PPARA: variants seen among roughly 807,000 people sequenced by gnomAD.
PPARA encodes the protein peroxisome proliferator activated receptor alpha.
Under a neutral mutation model 42.2 loss-of-function variants are expected in PPARA, and 22 were observed. The ratio of observed to expected loss-of-function variants is 0.52; its 90% confidence interval spans 0.37 to 0.74. PPARA has a LOEUF of 0.74. Among genes scored for constraint, PPARA ranks in the 30% least tolerant of loss-of-function variants. The probability of loss-of-function intolerance (pLI) is 0.00; values close to 1 mark genes in which losing one functional copy is unlikely to be tolerated. For synonymous variants in PPARA, 242 were observed against 239.3 expected (o/e 1.01, Z -0.10); for missense variants, 465 against 608.2 (o/e 0.76, Z 2.48).
rs998236282 is a variant in PPARA at position 46,184,860 on chromosome 22, A to T, written c.-43+8024A>T. Among the ~76,000 whole-genome samples, 4 of 152,186 alleles carry T rather than the reference A, an allele frequency of 2.6e-5. No homozygotes were observed. The highest frequency in any genetic ancestry group is 4.4e-5 in the Non-Finnish European group (3 of 68,042). On this transcript the variant is annotated intron_variant, in intron 3 of 8. Coordinates refer to ENST00000407236, the MANE Select transcript of PPARA (RefSeq NM_005036.6). This position sits in a 1 kb window ranked among gnomAD's most constrained non-coding sequence, Gnocchi z 4.4. ...ACAGAGCAAGACTCCGTCTCAAAAA[A>T]CAAAAAAAGTATTCTGTTGGATCGT...
At chr22:46,185,672 A>G (rs965139409) in intron 3 of PPARA, among the ~76,000 whole-genome samples, 4 of 151,414 alleles carry the variant, frequency 2.6e-5, no homozygotes, top group Admixed American at 6.6e-5. Context: ...AGGCAGGTGG[A>G]TCACCTGAGG....
rs924280849 is a variant in PPARA at position 46,188,889 on chromosome 22, T to A, written c.-42-9453T>A. ...TAAAGTTTGCCTGCCGTGTATCTGA[T>A]ATATTTCTGCTAAAACCCATTAGGC... On this transcript the variant is annotated intron_variant, in intron 3 of 8. Coordinates refer to ENST00000407236, the MANE Select transcript of PPARA (RefSeq NM_005036.6). This position sits in a 1 kb window ranked among gnomAD's most constrained non-coding sequence, Gnocchi z 5.0. 1 of 152,278 alleles carries A rather than the reference T, an allele frequency of 6.6e-6. No individual in the cohort carries two copies. Among genetic ancestry groups the A allele is most frequent in the Non-Finnish European group, 1.5e-5 (1 of 68,090 alleles). The allele number at this position is 152,278 out of a possible 1,614,324, so 9.4% of individuals were successfully genotyped here.
rs563561726 is a variant in PPARA at position 46,190,528 on chromosome 22, G to A, written c.-42-7814G>A. Among the ~76,000 whole-genome samples, 6 of 152,288 alleles carry A rather than the reference G, an allele frequency of 3.9e-5. No homozygotes were observed. The East Asian group carries it at 9.6e-4, about 24-fold the overall frequency. ...CCAACACTTAGAGGCCAAGCCGCGT[G>A]GATCGCTTGAGCCCAGGAGTTCGAG... On this transcript the variant is annotated intron_variant, in intron 3 of 8. Transcript: ENST00000407236. This position sits in a 1 kb window ranked among gnomAD's most constrained non-coding sequence, Gnocchi z 5.6.
Position 46,193,293 on chromosome 22 carries a change from C to T in PPARA, c.-42-5049C>T, listed in dbSNP as rs570402783. 2.0e-5 allele frequency among the ~76,000 whole-genome samples: 3 copies of T among 152,306 alleles called. No homozygotes were observed. In the East Asian group the frequency reaches 5.8e-4, roughly 29 times the overall value. Reference sequence around the variant, plus strand: ...GGTTGAACAGGCTGGTCTCAAACTCCTGACCTCAAGTGATCCACTCGCCTT... The same window carrying T: ...GGTTGAACAGGCTGGTCTCAAACTCTTGACCTCAAGTGATCCACTCGCCTT... On this transcript the variant is annotated intron_variant, in intron 3 of 8. Transcript: ENST00000407236. This position sits in a 1 kb window ranked among gnomAD's most constrained non-coding sequence, Gnocchi z 5.3.
chr22:46,214,837 G>A (rs1411979367), intron 4 of PPARA, among the ~76,000 whole-genome samples: 1 of 151,116 alleles, frequency 6.6e-6, no homozygotes, highest in Non-Finnish European at 1.5e-5. Flanking sequence ...TGTGCGGGGC[G>A]GGATGTGTGG....
At chr22:46,166,720 G>A (rs1012237957) in intron 2 of PPARA, among the ~76,000 whole-genome samples, 2 of 152,042 alleles carry the variant, frequency 1.3e-5, no homozygotes, top group African/African-American at 4.8e-5. Flanking sequence ...AAACACTGCT[G>A]AGAGAAATTT....
At chr22:46,174,676 G>A (rs1412820455) in intron 2 of PPARA, among the ~76,000 whole-genome samples, 1 of 152,032 alleles carries the variant, frequency 6.6e-6, no homozygotes, top group Non-Finnish European at 1.5e-5. Flanking sequence ...AATTATCCAG[G>A]CATCATGGTT....
intron 5 of PPARA, among the ~76,000 whole-genome samples, chr22:46,217,711 G>A (rs1934612351): frequency 6.6e-6 from 1 of 151,166 alleles, no homozygotes; most frequent in Non-Finnish European, 1.5e-5. Context: ...ATTTTGAAAT[G>A]ACTTCGAATG....
Position 46,231,249 on chromosome 22 carries a change from C to T in PPARA, c.712-543C>T, listed in dbSNP as rs1423949532. Among the ~76,000 whole-genome samples, 5 of 149,888 alleles carry T rather than the reference C, an allele frequency of 3.3e-5. No individual in the cohort carries two copies. The highest frequency in any genetic ancestry group is 2.0e-4 in the East Asian group (1 of 5,094). ...TTTTTTTTTTTTTGAGACGGAGTCTCGCTCTGTCACCCAGGCTGGAGTGCA... is the reference window on the plus strand; with the variant it reads ...TTTTTTTTTTTTTGAGACGGAGTCTTGCTCTGTCACCCAGGCTGGAGTGCA... On this transcript the variant is annotated intron_variant, in intron 7 of 8. Transcript: ENST00000407236. This position sits in a 1 kb window ranked among gnomAD's most constrained non-coding sequence, Gnocchi z 7.7.
rs1161353861 is a variant in PPARA at position 46,150,730 on chromosome 22, C to G, written c.-210+78C>G. 7.0e-6 allele frequency: 1 copy of G among 143,040 alleles called. No homozygotes were observed. Among genetic ancestry groups the G allele is most frequent in the Non-Finnish European group, 1.5e-5 (1 of 65,426 alleles). 8.9% of individuals were successfully genotyped at this position (143,040 alleles called of 1,614,324 possible). A position where few individuals can be genotyped will look rare whatever the true frequency, so the allele number is the denominator to read the frequency against. ...TCCGGGCTTCCCAGGTCCCGGGACCCGGAGGGCGGCGGACGGGGGAGGGGC... is the reference window on the plus strand; with the variant it reads ...TCCGGGCTTCCCAGGTCCCGGGACCGGGAGGGCGGCGGACGGGGGAGGGGC... On this transcript the variant is annotated intron_variant, in intron 1 of 8. Coordinates refer to ENST00000407236, the MANE Select transcript of PPARA (RefSeq NM_005036.6). This position sits in a 1 kb window ranked among gnomAD's most constrained non-coding sequence, Gnocchi z 7.5.
At chr22:46,181,725 G>C (rs182035905) in intron 3 of PPARA, among the ~76,000 whole-genome samples, 1 of 152,166 alleles carries the variant, frequency 6.6e-6, no homozygotes, top group African/African-American at 2.4e-5. Flanking sequence ...GGACACCCTG[G>C]GCATCCAGAT....
At chr22:46,174,163 C>G (rs957520823) in intron 2 of PPARA, among the ~76,000 whole-genome samples, 4 of 132,126 alleles carry the variant, frequency 3.0e-5, no homozygotes, top group South Asian at 5.0e-4. Flanking sequence ...GGCAACAGAG[C>G]AAGACTCTGT....
intron 2 of PPARA, among the ~76,000 whole-genome samples, chr22:46,170,269 G>A (rs916456824): frequency 6.6e-6 from 1 of 151,400 alleles, no homozygotes; most frequent in Non-Finnish European, 1.5e-5. Flanking sequence ...GTTTTGTTGA[G>A]ACACGGTCTT....
At chr22:46,185,721 C>G (rs1930567286) in intron 3 of PPARA, among the ~76,000 whole-genome samples, 1 of 149,388 alleles carries the variant, frequency 6.7e-6, no homozygotes, top group Non-Finnish European at 1.5e-5. Flanking sequence ...ATGGTGAAAC[C>G]CCGTCTCTAC....
At chr22:46,181,073 G>A (rs1400813284) in intron 3 of PPARA, among the ~76,000 whole-genome samples, 1 of 151,506 alleles carries the variant, frequency 6.6e-6, no homozygotes, top group African/African-American at 2.5e-5. Context: ...AGACCCAGAG[G>A]GGCTGGGGAC....
At chr22:46,220,243 A>T (rs1473654213) in intron 7 of PPARA, 7 of 592,212 alleles carry the variant, frequency 1.2e-5, no homozygotes, top group Non-Finnish European at 1.8e-5. Context: ...CTAAGTTATT[A>T]TACTGGCTAT....
chr22:46,218,296 G>A lies in PPARA; in HGVS notation c.403G>A (p.Val135Met), dbSNP rs759527309. The A allele has an allele frequency of 5.6e-6, 9 of 1,613,978 alleles. No individual in the cohort carries two copies. In the Admixed American group the frequency reaches 8.3e-5, roughly 15 times the overall value. The change falls in exon 6 of 9, where the codon GTG (valine) becomes ATG (methionine). Residue 135 changes from valine (V) to methionine (M), a missense_variant. Physicochemically the swap from Val to Met is conservative, Grantham distance 21. Coordinates refer to ENST00000407236, the MANE Select transcript of PPARA (RefSeq NM_005036.6). ...FFRRTIRLKL[V>M]YDKCDRSCKI... ...TCGGCGAACGATTCGACTCAAGCTG[G>A]TGTATGACAAGTGCGACCGCAGCTG...
intron 2 of PPARA, among the ~76,000 whole-genome samples, chr22:46,174,724 G>A (rs910371348): frequency 2.6e-5 from 4 of 152,116 alleles, no homozygotes; most frequent in Non-Finnish European, 5.9e-5. Flanking sequence ...GGCTGAGGTA[G>A]GAGGATTGCT....
Position 46,216,639 on chromosome 22 carries a change from C to T in PPARA, c.369+1306C>T, listed in dbSNP as rs1934519764. On this transcript the variant is annotated intron_variant, in intron 5 of 8. Coordinates refer to ENST00000407236, the MANE Select transcript of PPARA (RefSeq NM_005036.6). This position sits in a 1 kb window ranked among gnomAD's most constrained non-coding sequence, Gnocchi z 4.5. ...TGCTCCCCAGCAGTTCCTTCCTGCA[C>T]ATCAGGGGCTTCTCCACCTGATTCA... 6.6e-6 allele frequency among the ~76,000 whole-genome samples: 1 copy of T among 152,216 alleles called. No homozygotes were observed.
Sources: gnomAD v4.1 joint callset for allele counts (sites outside exome capture counted in the v4.1 genomes callset) on GRCh38, gnomAD v4.1.1 for gene constraint, Gnocchi (gnomAD v3.1) non-coding constraint, MANE v1.5 for transcripts, NCBI Gene and HGNC (gene_info 2026-07-23, HGNC 2026-07-21) for gene names.